The following PDE1C variants were observed in gnomAD, a reference collection of about 807,000 sequenced individuals.
PDE1C encodes the protein dual specificity calcium/calmodulin-dependent 3',5'-cyclic nucleotide phosphodiesterase 1C.
Under a neutral mutation model 93.1 loss-of-function variants are expected in PDE1C, and 62 were observed. That is an observed-to-expected ratio of 0.67 (90% CI 0.54 to 0.82). The LOEUF is 0.82. Among genes scored for constraint, PDE1C ranks in the 40% least tolerant of loss-of-function variants. The pLI is 0.00. For missense variants in PDE1C, 742 were observed against 884.6 expected (o/e 0.84, Z 2.04); for synonymous variants, 325 against 310.1 (o/e 1.05, Z -0.50).
chr7:32,234,794 A>C (rs1807953074), intron 1 of PDE1C, among the ~76,000 whole-genome samples: 1 of 152,052 alleles, frequency 6.6e-6, no homozygotes, highest in Non-Finnish European at 1.5e-5. Context: ...CTGATACCAA[A>C]ACCAAACAAA....
intron 17 of PDE1C, among the ~76,000 whole-genome samples, chr7:31,759,637 T>A (rs1443850486): frequency 2.0e-5 from 3 of 152,230 alleles, no homozygotes; most frequent in Non-Finnish European, 4.4e-5. Context: ...TTATCTATAT[T>A]ACTTTTAAAC....
At chr7:32,169,702 C>T in intron 3 of PDE1C, 1 of 1,165,250 alleles carries the variant, frequency 8.6e-7, no homozygotes, top group South Asian at 1.3e-5. Flanking sequence ...AATTTGCTGG[C>T]CACACTGACT....
intron 11 of PDE1C, among the ~76,000 whole-genome samples, chr7:31,829,623 G>A (rs1352200229): frequency 2.0e-5 from 3 of 152,102 alleles, no homozygotes; most frequent in Non-Finnish European, 4.4e-5. Context: ...GCTCAACAGT[G>A]GGGTCACAAT....
intron 2 of PDE1C, among the ~76,000 whole-genome samples, chr7:31,897,950 T>C (rs888394501): frequency 6.6e-6 from 1 of 152,110 alleles, no homozygotes; most frequent in Non-Finnish European, 1.5e-5. Context: ...AATGCTGGTA[T>C]ATATTTTTTC....
At chr7:32,389,616 A>T (rs937419444) in intron 1 of PDE1C, among the ~76,000 whole-genome samples, 3 of 152,240 alleles carry the variant, frequency 2.0e-5, no homozygotes, top group African/African-American at 7.2e-5. Flanking sequence ...GGTGGGTTGC[A>T]TACTCACAGA....
At chr7:31,702,807 G>A in the PDE1C span, among the ~76,000 whole-genome samples, 1 of 152,118 alleles carries the variant, frequency 6.6e-6, no homozygotes, top group African/African-American at 2.4e-5. Context: ...CTGGTTTGAT[G>A]TTTTATCTGG....
intron 1 of PDE1C, among the ~76,000 whole-genome samples, chr7:32,331,814 T>C (rs1783521736): frequency 6.6e-6 from 1 of 152,156 alleles, no homozygotes; most frequent in Non-Finnish European, 1.5e-5. Context: ...TCTGAGTTTA[T>C]AGTATTGTAT....
intron 1 of PDE1C, among the ~76,000 whole-genome samples, chr7:32,310,705 G>A (rs36199116): frequency 0.076 from 11,476 of 151,844 alleles, 494 homozygotes; most frequent in East Asian, 0.13. Flanking sequence ...TGAAACCAAC[G>A]AGAACAAAGA....
intron 1 of PDE1C, among the ~76,000 whole-genome samples, chr7:32,400,915 C>T (rs1427540793): frequency 4.6e-5 from 7 of 152,244 alleles, no homozygotes; most frequent in African/African-American, 1.7e-4. Context: ...CCCAGGTGAC[C>T]TGTGCTCTTC....
rs1783864879 is a variant in PDE1C, at chr7:32,346,979, G to A, written c.310+80843C>T. On this transcript the variant is annotated intron_variant, in intron 1 of 1. Coordinates refer to the PDE1C transcript ENST00000672256. ...AGCCCAAGGGAACTTTTAGGGTAAC[G>A]GAAGTATTTCAAAACTAGATTGTGA... is the stretch of plus-strand genomic sequence containing the variant. Among the ~76,000 whole-genome samples, 5 of 152,302 alleles carry A rather than the reference G, an allele frequency of 3.3e-5. No individual in the cohort carries two copies. The South Asian group carries it at 1.0e-3, about 32-fold the overall frequency.
the PDE1C span, among the ~76,000 whole-genome samples, chr7:31,705,375 G>T: frequency 6.6e-6 from 1 of 152,100 alleles, no homozygotes; most frequent in Non-Finnish European, 1.5e-5. Context: ...AAATTTTGGG[G>T]CTCAGCATAG....
chr7:31,804,744 G>A (rs1336591140), intron 16 of PDE1C, among the ~76,000 whole-genome samples: 1 of 151,734 alleles, frequency 6.6e-6, no homozygotes, highest in African/African-American at 2.4e-5. Context: ...TGGAACCATT[G>A]TTAAGTAATA....
intron 12 of PDE1C, among the ~76,000 whole-genome samples, chr7:31,827,378 C>T (rs1485059574): frequency 6.6e-6 from 1 of 152,154 alleles, no homozygotes; most frequent in Non-Finnish European, 1.5e-5. Context: ...CCTAATGGTT[C>T]ACACACTCTG....
intron 2 of PDE1C, among the ~76,000 whole-genome samples, chr7:31,946,143 C>G (rs1806574613): frequency 6.6e-6 from 1 of 152,124 alleles, no homozygotes; most frequent in Admixed American, 6.6e-5. Context: ...ATCTGAAGAT[C>G]CCAACATCTG....
chr7:32,059,148 C>G (rs899638518), intron 1 of PDE1C, among the ~76,000 whole-genome samples: 1 of 152,096 alleles, frequency 6.6e-6, no homozygotes, highest in South Asian at 2.1e-4. Flanking sequence ...ATAGCCAGCT[C>G]CCAAACATAG....
the PDE1C span, among the ~76,000 whole-genome samples, chr7:31,660,899 A>G: frequency 6.3e-4 from 96 of 152,016 alleles, no homozygotes; most frequent in East Asian, 0.018. Context: ...GTATGTGTAT[A>G]TATGTGTATA....
intron 1 of PDE1C, among the ~76,000 whole-genome samples, chr7:32,333,707 T>A (rs1460689237): frequency 6.6e-6 from 1 of 152,224 alleles, no homozygotes; most frequent in Non-Finnish European, 1.5e-5. Flanking sequence ...ACCTACATCG[T>A]GGGACTAGAG....
In PDE1C at chr7:31,816,033, C is replaced by T. The variant is rs146483489; in HGVS notation, c.1704G>A (p.Thr568=). The T allele has an allele frequency of 1.4e-5, 22 of 1,613,890 alleles. No homozygotes were observed. The highest frequency in any genetic ancestry group is 5.3e-5 in the African/African-American group (4 of 74,896). ...EGASGKAEKK[T]SGETKNQVNG... is the part of the protein sequence containing the mutation. ...TGACTTGATTCTTAGTTTCTCCAGACGTCTTTTTCTCAGCTTTGCCAGATG... is the reference window on the plus strand; with the variant it reads ...TGACTTGATTCTTAGTTTCTCCAGATGTCTTTTTCTCAGCTTTGCCAGATG... The change falls in exon 15 of 18, where the codon ACG becomes ACA. Residue 568 remains threonine, a synonymous_variant. Transcript: ENST00000396191.
At chr7:31,945,795 C>T (rs569929500) in intron 2 of PDE1C, among the ~76,000 whole-genome samples, 5 of 152,272 alleles carry the variant, frequency 3.3e-5, no homozygotes, top group African/African-American at 4.8e-5. Context: ...TTCAGAATTC[C>T]AATATTGCTT....
Sources: gnomAD v4.1 joint callset for allele counts (sites outside exome capture counted in the v4.1 genomes callset) on GRCh38, gnomAD v4.1.1 for gene constraint, MANE v1.5 for transcripts, NCBI Gene and HGNC (gene_info 2026-07-23, HGNC 2026-07-21) for gene names.